DOCK3: variants seen among roughly 807,000 people sequenced by gnomAD.
The protein encoded by DOCK3 is dedicator of cytokinesis protein 3.
DOCK3 carries 60 observed loss-of-function variants against 265.6 expected under a neutral mutation model. The ratio of observed to expected loss-of-function variants is 0.23; its 90% CI spans 0.18 to 0.28. The LOEUF is 0.28. DOCK3 is among the 10% of genes least tolerant of loss of function. The probability of loss-of-function intolerance (pLI) is 1.00; values close to 1 mark genes in which losing one functional copy is unlikely to be tolerated. For synonymous variants in DOCK3, 881 were observed against 938.0 expected (o/e 0.94, Z 1.11); for missense variants, 1,981 against 2,594.3 (o/e 0.76, Z 5.14).
chr3:51,124,368 T>G (rs1306781065), intron 9 of DOCK3, among the ~76,000 whole-genome samples: 1 of 152,172 alleles, frequency 6.6e-6, no homozygotes, highest in Admixed American at 6.5e-5. Flanking sequence ...ATGTGACTGT[T>G]GAGCACTTGA....
chr3:51,311,927 A>G (rs1385018629), intron 28 of DOCK3, 77 bp from the exon 29 acceptor site: 13 of 1,119,628 alleles, frequency 1.2e-5, no homozygotes, highest in Middle Eastern at 2.0e-4. Context: ...CACACAGGCT[A>G]TAGACAGCTG....
rs370731819 is a variant in DOCK3, at chr3:51,280,177, C to G, written c.2895C>G (p.Asp965Glu). The G allele has an allele frequency of 3.1e-6, 5 of 1,613,846 alleles. No homozygotes were observed. The highest frequency in any genetic ancestry group is 4.2e-6 in the Non-Finnish European group (5 of 1,179,832). Residue 965 changes from aspartate to glutamate, a missense_variant, in exon 27 of 53, where the codon GAC (aspartate) becomes GAG (glutamate). Around this residue, in one of 4 missense-constraint regions of DOCK3, gnomAD observed 1,357 missense variants for 1,866.8 expected, o/e 0.73. Transcript: ENST00000266037. ...MCDTHFQHLL[D>E]NFQSKDELKE... ...ACACCCATTTCCAGCACCTCCTGGA[C>G]AACTTCCAGAGCAAAGATGAACTCA...
intron 19 of DOCK3, among the ~76,000 whole-genome samples, chr3:51,235,621 C>A (rs990104584): frequency 6.6e-5 from 10 of 152,174 alleles, no homozygotes; most frequent in African/African-American, 1.4e-4. Context: ...CCTTCTACCT[C>A]ATATTTTTCA....
chr3:50,806,167 C>T (rs1463661026), intron 2 of DOCK3, among the ~76,000 whole-genome samples: 1 of 151,486 alleles, frequency 6.6e-6, no homozygotes, highest in Non-Finnish European at 1.5e-5. Context: ...ATACAACTGC[C>T]CAGCAGGCCT....
intron 33 of DOCK3, among the ~76,000 whole-genome samples, chr3:51,330,550 A>G (rs1280168661): frequency 6.6e-6 from 1 of 152,182 alleles, no homozygotes; most frequent in Non-Finnish European, 1.5e-5. Flanking sequence ...TTCTGGGCTC[A>G]ATGCTGGCAT....
chr3:51,170,942 A>C (rs533422297), intron 12 of DOCK3, among the ~76,000 whole-genome samples: 2 of 113,300 alleles, frequency 1.8e-5, no homozygotes, highest in East Asian at 8.8e-4. Flanking sequence ...ACTCCATCTC[A>C]AAAAAAAAAA....
chr3:51,042,874 T>C (rs574937790), intron 5 of DOCK3, among the ~76,000 whole-genome samples: 2 of 151,990 alleles, frequency 1.3e-5, no homozygotes, highest in African/African-American at 4.8e-5. Context: ...CACCTAGGAG[T>C]ACAGCTAATC....
chr3:51,114,635 T>TTTG (rs556785244), intron 9 of DOCK3, among the ~76,000 whole-genome samples: 2 of 152,150 alleles, frequency 1.3e-5, no homozygotes, highest in Non-Finnish European at 2.9e-5. Context: ...GGAAGGCTTT[T>TTTG]TTGTTGTTGT....
chr3:51,103,965 C>G (rs561200737), intron 9 of DOCK3, among the ~76,000 whole-genome samples: 1 of 152,020 alleles, frequency 6.6e-6, no homozygotes, highest in East Asian at 1.9e-4. Flanking sequence ...GTAAAATATG[C>G]GACATGTTCA....
At chr3:51,368,742 G>A (rs1043797081) in intron 49 of DOCK3, among the ~76,000 whole-genome samples, 2 of 152,170 alleles carry the variant, frequency 1.3e-5, no homozygotes, top group Non-Finnish European at 2.9e-5. Flanking sequence ...ATCTGAGAAC[G>A]GACAGACTGC....
intron 5 of DOCK3, among the ~76,000 whole-genome samples, chr3:50,972,289 C>G (rs565758739): frequency 6.6e-6 from 1 of 152,354 alleles, no homozygotes; most frequent in South Asian, 2.1e-4. Context: ...TCCAGTGTGC[C>G]TTTGCCAGCC....
intron 4 of DOCK3, among the ~76,000 whole-genome samples, chr3:50,894,642 C>T (rs747882642): frequency 8.6e-5 from 13 of 151,980 alleles, no homozygotes; most frequent in African/African-American, 2.9e-4. Flanking sequence ...TTAAGAATAA[C>T]TATAACTACA....
intron 3 of DOCK3, among the ~76,000 whole-genome samples, chr3:50,861,782 G>A (rs183807684): frequency 1.6e-4 from 20 of 128,396 alleles, no homozygotes; most frequent in Middle Eastern, 4.0e-3. Context: ...CTTTGCATTT[G>A]TGTGATCTTT....
At chr3:50,773,643 T>A (rs2108488866) in intron 1 of DOCK3, among the ~76,000 whole-genome samples, 1 of 152,260 alleles carries the variant, frequency 6.6e-6, no homozygotes, top group African/African-American at 2.4e-5. Context: ...TCTTAAGTGC[T>A]TATGCAATTC....
At position 51,157,526 on chromosome 3, in the gene DOCK3, A is replaced by T. The variant is rs543209261; in HGVS notation, c.829-1718A>T. ...CTCCCAGAGTGCTGGGATTACAGAC[A>T]TATGCCGCCATGCCTGGCCCACATA... On this transcript the variant is annotated intron_variant, in intron 10 of 52. Coordinates refer to ENST00000266037, the MANE Select transcript of DOCK3 (RefSeq NM_004947.5). Among the ~76,000 whole-genome samples the T allele has an allele frequency of 4.6e-5, 7 of 152,238 alleles. 1 individual carries two copies. Among genetic ancestry groups the T allele is most frequent in the African/African-American group, 1.7e-4 (7 of 41,558 alleles).
chr3:50,695,611 A>G (rs149610220), intron 1 of DOCK3, among the ~76,000 whole-genome samples: 1 of 152,318 alleles, frequency 6.6e-6, no homozygotes, highest in Non-Finnish European at 1.5e-5. Context: ...ATTTGCTCAA[A>G]GAGACTCAAA....
At chr3:51,319,361 G>A (rs1160894044) in intron 32 of DOCK3, among the ~76,000 whole-genome samples, 1 of 148,360 alleles carries the variant, frequency 6.7e-6, no homozygotes, top group Non-Finnish European at 1.5e-5. Flanking sequence ...GTTACAACTT[G>A]TGCCTTCTAA....
intron 3 of DOCK3, among the ~76,000 whole-genome samples, chr3:50,888,886 T>G (rs1379449165): frequency 6.6e-6 from 1 of 152,110 alleles, no homozygotes. Flanking sequence ...ATTAAAGACT[T>G]AAATCCTTTT....
intron 9 of DOCK3, among the ~76,000 whole-genome samples, chr3:51,140,068 T>C (rs1350573390): frequency 6.6e-6 from 1 of 152,164 alleles, no homozygotes; most frequent in East Asian, 1.9e-4. Flanking sequence ...CACGAAAAAG[T>C]TTGTTGTTTG....
Sources: gnomAD v4.1 joint callset for allele counts (sites outside exome capture counted in the v4.1 genomes callset) on GRCh38, gnomAD v4.1.1 for gene constraint, gnomAD v4.1.1 regional missense constraint, MANE v1.5 for transcripts, NCBI Gene and HGNC (gene_info 2026-07-23, HGNC 2026-07-21) for gene names.